The following GAREM1 variants were observed in gnomAD, a reference collection of about 807,000 sequenced individuals.
GAREM1 encodes the protein GRB2-associated and regulator of MAPK protein 1.
GAREM1 carries 26 observed loss-of-function variants against 71.3 expected under a neutral mutation model. That is an observed-to-expected ratio of 0.36 (90% CI 0.27 to 0.51). GAREM1 has a LOEUF of 0.51. Among genes scored for constraint, GAREM1 ranks in the 20% least tolerant of loss-of-function variants. GAREM1 has a pLI of 0.95. For missense variants in GAREM1, 1,026 were observed against 1,103.1 expected (o/e 0.93, Z 0.99); for synonymous variants, 440 against 433.2 (o/e 1.02, Z -0.20).
At chr18:32,324,831 T>C (rs556581162) in intron 2 of GAREM1, among the ~76,000 whole-genome samples, 22 of 152,254 alleles carry the variant, frequency 1.4e-4, no homozygotes, top group Admixed American at 3.9e-4. Context: ...AAGTGAAAGA[T>C]GCCAATCTGA....
intron 2 of GAREM1, among the ~76,000 whole-genome samples, chr18:32,375,629 C>T (rs541890333): frequency 1.8e-4 from 27 of 152,180 alleles, no homozygotes; most frequent in African/African-American, 6.5e-4. Flanking sequence ...TTCTGTTGGT[C>T]CTATATGCAG....
chr18:32,331,780 T>C (rs898122694), intron 2 of GAREM1: 18 of 151,908 alleles, frequency 1.2e-4, no homozygotes, highest in African/African-American at 4.4e-4. Context: ...AACTGGGATA[T>C]GAGAGAGGTC....
chr18:32,374,773 G>A (rs1020370478), intron 2 of GAREM1, among the ~76,000 whole-genome samples: 5 of 152,110 alleles, frequency 3.3e-5, no homozygotes, highest in Non-Finnish European at 7.4e-5. Context: ...GGTATCTACC[G>A]TGTACCTGGC....
chr18:32,322,633 G>C (rs2047440719), intron 2 of GAREM1, among the ~76,000 whole-genome samples: 1 of 151,764 alleles, frequency 6.6e-6, no homozygotes, highest in Non-Finnish European at 1.5e-5. Context: ...TCTAAAGAAA[G>C]CAGATGTGTC....
At chr18:32,443,429 T>C (rs1175469049) in intron 1 of GAREM1, among the ~76,000 whole-genome samples, 1 of 152,152 alleles carries the variant, frequency 6.6e-6, no homozygotes, top group Admixed American at 6.6e-5. Context: ...CAAGGAACCC[T>C]TGCCATTCAA....
chr18:32,333,734 G>A (rs1403626011), intron 2 of GAREM1, among the ~76,000 whole-genome samples: 1 of 152,184 alleles, frequency 6.6e-6, no homozygotes, highest in Admixed American at 6.5e-5. Flanking sequence ...TAGCTGCTCT[G>A]AATGCTCTTC....
At chr18:32,317,734 T>G (rs1033958826) in intron 2 of GAREM1, among the ~76,000 whole-genome samples, 4 of 151,674 alleles carry the variant, frequency 2.6e-5, no homozygotes, top group Non-Finnish European at 5.9e-5. Context: ...ATTCTCAGAT[T>G]AGCCAACGTT....
chr18:32,266,926 T>G lies in GAREM1; in HGVS notation c.*945A>C, dbSNP rs2041381566. The G allele has an allele frequency of 6.6e-6, 1 of 152,194 alleles. No individual in the cohort carries two copies. The highest frequency in any genetic ancestry group is 2.4e-5 in the African/African-American group (1 of 41,444). The allele number at this position is 152,194 out of a possible 1,614,324, so 9.4% of individuals were successfully genotyped here. A position where few individuals can be genotyped will look rare whatever the true frequency, so the allele number is the denominator to read the frequency against. On this transcript the variant is annotated 3_prime_UTR_variant, in exon 6 of 6. Transcript: ENST00000269209. ...AGCCCTGCGGTGAGTGGGCTTAAAC[T>G]CAAACTTAATTCTTCAATACAGGAT... is the stretch of plus-strand genomic sequence containing the variant.
Position 32,270,363 on chromosome 18 carries a change from G to T in GAREM1, c.1587C>A (p.Leu529=). The T allele has an allele frequency of 6.2e-7, 1 of 1,613,250 alleles. No homozygotes were observed. Among genetic ancestry groups the T allele is most frequent in the Non-Finnish European group, 8.5e-7 (1 of 1,179,786 alleles). ...GGGGTGGAACAGGTGGGGCGTTCAGGAGCCGGCATTCTTCTCTGACCTGGC... is the reference window on the plus strand; with the variant it reads ...GGGGTGGAACAGGTGGGGCGTTCAGTAGCCGGCATTCTTCTCTGACCTGGC... The part of the protein sequence containing the change: ...KSEAVREECR[L]LNAPPVPPRS... The change falls in exon 5 of 6, where the codon CTC becomes CTA. Residue 529 remains leucine, a synonymous_variant. Transcript: ENST00000269209.
intron 1 of GAREM1, among the ~76,000 whole-genome samples, chr18:32,405,101 A>G (rs955224573): frequency 6.6e-6 from 1 of 152,222 alleles, no homozygotes; most frequent in African/African-American, 2.4e-5. Context: ...AGTGTGGCAT[A>G]ATTTTAATTA....
At chr18:32,461,942 A>C (rs2048957053) in intron 1 of GAREM1, among the ~76,000 whole-genome samples, 1 of 152,322 alleles carries the variant, frequency 6.6e-6, no homozygotes, top group Admixed American at 6.5e-5. Flanking sequence ...CTGGTCTACA[A>C]GAACTTGCTA....
chr18:32,441,845 C>G (rs949060819), intron 1 of GAREM1, among the ~76,000 whole-genome samples: 1 of 152,198 alleles, frequency 6.6e-6, no homozygotes, highest in Non-Finnish European at 1.5e-5. Flanking sequence ...TTCCAAAATA[C>G]AGCAAACTTC....
At position 32,270,249 on chromosome 18, in the gene GAREM1, G is replaced by A. The variant is rs1335085342; in HGVS notation, c.1701C>T (p.Thr567=). Residue 567 remains threonine, a synonymous_variant, in exon 5 of 6, where the codon ACC becomes ACT. Transcript: ENST00000269209. ...GTAGCCCTGAAGAATAGTAGGACAA[G>A]GTGGGGCTGGGAGAGCGAGTCTGTT... The part of the protein sequence containing the change: ...ARQQTRSPSP[T]LSYYSSGLHN... The A allele has an allele frequency of 1.2e-6, 2 of 1,614,024 alleles. No homozygotes were observed. Among genetic ancestry groups the A allele is most frequent in the South Asian group, 2.2e-5 (2 of 91,026 alleles).
chr18:32,272,981 T>C (rs1177733561), intron 4 of GAREM1, among the ~76,000 whole-genome samples: 1 of 152,220 alleles, frequency 6.6e-6, no homozygotes, highest in African/African-American at 2.4e-5. Context: ...GTCTTGTTAG[T>C]GAACTGCACG....
chr18:32,443,498 A>G (rs1480363814), intron 1 of GAREM1, among the ~76,000 whole-genome samples: 1 of 152,218 alleles, frequency 6.6e-6, no homozygotes, highest in African/African-American at 2.4e-5. Context: ...ATTTATCCAA[A>G]GAAGATACAC....
At chr18:32,436,413 C>A (rs1037435759) in intron 1 of GAREM1, among the ~76,000 whole-genome samples, 1 of 152,158 alleles carries the variant, frequency 6.6e-6, no homozygotes, top group African/African-American at 2.4e-5. Context: ...AGAAAAATAA[C>A]TACAAGAGGA....
At chr18:32,311,363 G>A (rs987935647) in intron 2 of GAREM1, among the ~76,000 whole-genome samples, 1 of 152,142 alleles carries the variant, frequency 6.6e-6, no homozygotes, top group Non-Finnish European at 1.5e-5. Flanking sequence ...CAATTTTTTA[G>A]CATCTACTAG....
In GAREM1 at chr18:32,263,945, T is replaced by C. The variant is rs2041339019; in HGVS notation, c.*3926A>G. ...ATTACAAAATTTATAGCCTAAAAATTAGAGCAGCAAAATTACAGAAGATAT... is the reference window on the plus strand; with the variant it reads ...ATTACAAAATTTATAGCCTAAAAATCAGAGCAGCAAAATTACAGAAGATAT... On this transcript the variant is annotated 3_prime_UTR_variant, in exon 6 of 6. Transcript: ENST00000269209. 6.6e-6 allele frequency: 1 copy of C among 152,212 alleles called. No individual in the cohort carries two copies. The allele number at this position is 152,212 out of a possible 1,614,324, so 9.4% of individuals were successfully genotyped here.
chr18:32,340,614 TA>T (rs929029644), intron 2 of GAREM1, among the ~76,000 whole-genome samples: 21 of 152,294 alleles, frequency 1.4e-4, no homozygotes, highest in African/African-American at 4.6e-4. Flanking sequence ...AATTTTCTCT[TA>T]AAATTTTTAA....
Sources: gnomAD v4.1 joint callset for allele counts (sites outside exome capture counted in the v4.1 genomes callset) on GRCh38, gnomAD v4.1.1 for gene constraint, MANE v1.5 for transcripts, NCBI Gene and HGNC (gene_info 2026-07-23, HGNC 2026-07-21) for gene names.